The following KCNH3 variants were observed in gnomAD, a reference collection of about 807,000 sequenced individuals.
The protein encoded by KCNH3 is voltage-gated inwardly rectifying potassium channel KCNH3.
In KCNH3, 36 loss-of-function variants were observed where a neutral mutation model predicts 95.6. The observed-to-expected ratio is 0.38, with a 90% CI of 0.29 to 0.50. KCNH3 has a LOEUF of 0.50. KCNH3 is among the 20% of genes least tolerant of loss of function. KCNH3 has a pLI of 0.95. For synonymous variants in KCNH3, 620 were observed against 646.3 expected, an observed-to-expected ratio of 0.96 and a Z score of 0.62; for missense variants, 1,030 against 1,484.1, an observed-to-expected ratio of 0.69 and a Z score of 5.03.
chr12:49,541,989 T>TAA (rs1192852408), intron 3 of KCNH3, among the ~76,000 whole-genome samples: 1 of 152,230 alleles, frequency 6.6e-6, no homozygotes, highest in African/African-American at 2.4e-5. Flanking sequence ...TAAGTCAACT[T>TAA]TATTAAGAAA....
In KCNH3 at chr12:49,544,205, C is replaced by T. The variant is rs1258561034; in HGVS notation, c.1012C>T (p.Arg338Cys). Residue 338 changes from arginine (R) to cysteine (C), a missense_variant, in exon 7 of 15, where the codon CGC (arginine) becomes TGC (cysteine). By Grantham distance (180) the Arg-to-Cys change is radical. Coordinates refer to ENST00000257981, the MANE Select transcript of KCNH3 (RefSeq NM_012284.3). ...CGGGGCCCATCTGCTGAAGACGGTG[C>T]GCCTGCTGCGCCTGCTGCGCCTGCT... ...YFGAHLLKTV[R>C]LLRLLRLLPR... is the part of the protein sequence containing the mutation. 3 of 1,363,710 alleles carry T rather than the reference C, an allele frequency of 2.2e-6. No individual in the cohort carries two copies. Among genetic ancestry groups the T allele is most frequent in the Non-Finnish European group, 2.9e-6 (3 of 1,030,142 alleles). The allele number at this position is 1,363,710 out of a possible 1,614,324, so 84.5% of individuals were successfully genotyped here.
At position 49,550,226 on chromosome 12, in the gene KCNH3, G is replaced by A. The variant is rs778382219; in HGVS notation, c.1815G>A (p.Pro605=). 3.1e-6 allele frequency: 5 copies of A among 1,609,494 alleles called. No homozygotes were observed. The highest frequency in any genetic ancestry group is 4.2e-6 in the Non-Finnish European group (5 of 1,179,964). The change falls in exon 10 of 15, where the codon CCG becomes CCA. Residue 605 remains proline, a synonymous_variant. Coordinates refer to ENST00000257981, the MANE Select transcript of KCNH3 (RefSeq NM_012284.3). ...SLALRPAFCT[P]GEYLIHQGDA... is the part of the protein sequence containing the mutation. ...CCCTGCGGCCCGCCTTCTGCACGCC[G>A]GGCGAGTACCTCATCCACCAAGGCG...
In KCNH3 at chr12:49,556,437, T is replaced by C. The variant is rs148051821; in HGVS notation, c.2536T>C (p.Ser846Pro). Residue 846 changes from serine (S) to proline (P), a missense_variant, in exon 13 of 15, where the codon TCT (serine) becomes CCT (proline). Transcript: ENST00000257981. ...QPKFSFRVGQ[S>P]GPECSSSPSP... ...CAAGTTCTCTTTCCGCGTGGGCCAGTCTGGCCCGGAATGTAGCAGCAGCCC... is the reference window on the plus strand; with the variant it reads ...CAAGTTCTCTTTCCGCGTGGGCCAGCCTGGCCCGGAATGTAGCAGCAGCCC... The C allele has an allele frequency of 2.1e-3, 3,350 of 1,614,024 alleles. 33 individuals carry two copies. Among genetic ancestry groups the C allele is most frequent in the South Asian group, 0.012 (1,095 of 91,078 alleles).
intron 7 of KCNH3, among the ~76,000 whole-genome samples, chr12:49,548,027 C>T (rs1030074930): frequency 6.6e-6 from 1 of 152,034 alleles, no homozygotes; most frequent in African/African-American, 2.4e-5. Flanking sequence ...ATGCCAAGGC[C>T]AGGTGGAGAA....
At chr12:49,541,212 C>G in intron 2 of KCNH3, 80 bp downstream of exon 2, 2 of 1,039,440 alleles carry the variant, frequency 1.9e-6, no homozygotes, top group South Asian at 1.5e-5. Context: ...TGTCCCTCCT[C>G]CTTTCTGTTG....
rs531115131 is a variant in KCNH3, at chr12:49,548,702, G to A, written c.1190-193G>A. On this transcript the variant is annotated intron_variant, in intron 7 of 14. Transcript: ENST00000257981. Reference sequence around the variant, plus strand: ...CTTGTGTCATCCTCAGTGCCAATAGGAGCTGGCTGGGGAAATGGCAGACTC... The same window carrying A: ...CTTGTGTCATCCTCAGTGCCAATAGAAGCTGGCTGGGGAAATGGCAGACTC... Among the ~76,000 whole-genome samples the A allele has an allele frequency of 7.2e-5, 11 of 152,308 alleles. No homozygotes were observed. The South Asian group carries it at 1.9e-3, about 26-fold the overall frequency.
At position 49,544,373 on chromosome 12, in the gene KCNH3, C is replaced by G. The variant is rs1007711831; in HGVS notation, c.1180C>G (p.Pro394Ala). Reference sequence around the variant, plus strand: ...GATCGAGAGCAGCGAATCCGAGCTGCCTGAGATTGGTACTGGAGGCTCCCT... The same window carrying G: ...GATCGAGAGCAGCGAATCCGAGCTGGCTGAGATTGGTACTGGAGGCTCCCT... ...REIESSESEL[P>A]EIGWLQELAR... Residue 394 changes from proline (P) to alanine (A), a missense_variant, in exon 7 of 15, where the codon CCT (proline) becomes GCT (alanine). Pro to Ala is a conservative substitution (Grantham distance 27). Coordinates refer to ENST00000257981, the MANE Select transcript of KCNH3 (RefSeq NM_012284.3). 1.2e-5 allele frequency: 19 copies of G among 1,612,922 alleles called. No individual in the cohort carries two copies. The highest frequency in any genetic ancestry group is 1.6e-5 in the Non-Finnish European group (19 of 1,180,026).
chr12:49,544,141 T>TGCCAAC, intron 6 of KCNH3, 34 bp from the exon 7 acceptor site: 8 of 1,413,296 alleles, frequency 5.7e-6, no homozygotes, highest in Non-Finnish European at 7.7e-6. Context: ...CCCGCTGACC[T>TGCCAAC]CCCTCCCTCC....
chr12:49,540,875 C>T (rs999492222), intron 1 of KCNH3, 24 bp from the exon 2 acceptor site: 4 of 1,602,866 alleles, frequency 2.5e-6, no homozygotes, highest in Non-Finnish European at 3.4e-6. Context: ...CCCCACGCCT[C>T]CTCTGAGAAG....
At position 49,557,933 on chromosome 12, in the gene KCNH3, G is replaced by A; in HGVS notation, c.3232G>A (p.Glu1078Lys). 2 of 1,508,462 alleles carry A rather than the reference G, an allele frequency of 1.3e-6. No homozygotes were observed. Among genetic ancestry groups the A allele is most frequent in the Non-Finnish European group, 8.9e-7 (1 of 1,128,486 alleles). 93.4% of individuals were successfully genotyped at this position (1,508,462 alleles called of 1,614,324 possible). ...HGSGTVQWTQEEGTGV is the reference protein window; with the variant it reads ...HGSGTVQWTQKEGTGV ...CTCTGGCACAGTCCAGTGGACCCAGGAAGAAGGCACAGGGGTCTGAGTACC... is the reference window on the plus strand; with the variant it reads ...CTCTGGCACAGTCCAGTGGACCCAGAAAGAAGGCACAGGGGTCTGAGTACC... The change falls in exon 15 of 15, where the codon GAA becomes AAA. Residue 1078 changes from glutamate to lysine, a missense_variant. Physicochemically the swap from Glu to Lys is moderately conservative, Grantham distance 56 (BLOSUM62 1). Coordinates refer to ENST00000257981, the MANE Select transcript of KCNH3 (RefSeq NM_012284.3).
intron 10 of KCNH3, 111 bp from the exon 11 acceptor site, chr12:49,554,226 C>T (rs2094258486): frequency 4.8e-6 from 4 of 841,234 alleles, no homozygotes; most frequent in Non-Finnish European, 7.9e-6. Context: ...AAGGCTTCAG[C>T]TACAGAGGCC....
intron 8 of KCNH3, 36 bp from the exon 9 acceptor site, chr12:49,549,405 T>A: frequency 6.2e-7 from 1 of 1,606,978 alleles, no homozygotes; most frequent in East Asian, 2.2e-5. Flanking sequence ...CCGGGCCAGG[T>A]CCCCTAGGTG....
At chr12:49,556,309 C>G in intron 12 of KCNH3, 61 bp from the exon 13 acceptor site, 1 of 1,262,692 alleles carries the variant, frequency 7.9e-7, no homozygotes, top group Non-Finnish European at 1.2e-6. Context: ...CATCCCGTCC[C>G]GTATGACCCC....
chr12:49,545,119 C>T (rs1429888992), intron 7 of KCNH3, among the ~76,000 whole-genome samples: 3 of 152,130 alleles, frequency 2.0e-5, no homozygotes, highest in African/African-American at 4.8e-5. Context: ...GTGGGTGATG[C>T]AGCCCTCAGC....
chr12:49,542,963 G>A, intron 4 of KCNH3, 124 bp downstream of exon 4: 3 of 1,288,218 alleles, frequency 2.3e-6, no homozygotes, highest in Non-Finnish European at 3.1e-6. Context: ...GCACTTTGGG[G>A]GTTGGGACTG....
chr12:49,556,316 C>A lies in KCNH3; in HGVS notation c.2469-54C>A, dbSNP rs777434788. The A allele has an allele frequency of 1.8e-5, 24 of 1,339,576 alleles. No individual in the cohort carries two copies. The East Asian group carries it at 5.6e-4, about 31-fold the overall frequency. The allele number at this position is 1,339,576 out of a possible 1,614,324, so 83.0% of individuals were successfully genotyped here. ...CGCTGGGGCATCCCGTCCCGTATGA[C>A]CCCACAGTGGCTGCCTGTCCATTGA... On this transcript the variant is annotated intron_variant, in intron 12 of 14. Transcript: ENST00000257981.
At chr12:49,550,377 C>T (rs1286475866) in intron 10 of KCNH3, 48 bp downstream of exon 10, 1 of 1,558,746 alleles carries the variant, frequency 6.4e-7, no homozygotes, top group Admixed American at 1.7e-5. Context: ...TGTGTGAGAC[C>T]ATGGCCCTGA....
chr12:49,554,102 T>G (rs567268577), intron 10 of KCNH3, among the ~76,000 whole-genome samples: 1 of 152,326 alleles, frequency 6.6e-6, no homozygotes, highest in African/African-American at 2.4e-5. Flanking sequence ...CTGAATGTGT[T>G]TGAGGGCCTG....
rs1317537045 is a variant in KCNH3 at position 49,540,993 on chromosome 12, G to C, written c.171G>C (p.Arg57=). ...DGFCDLTGFS[R]AEVMQRGCAC... ...TCTGTGACCTCACGGGCTTCTCCCGGGCTGAGGTCATGCAGCGGGGCTGTG... is the reference window on the plus strand; with the variant it reads ...TCTGTGACCTCACGGGCTTCTCCCGCGCTGAGGTCATGCAGCGGGGCTGTG... Residue 57 remains arginine (R), a synonymous_variant, in exon 2 of 15, where the codon CGG becomes CGC. Coordinates refer to ENST00000257981, the MANE Select transcript of KCNH3 (RefSeq NM_012284.3). 6.2e-7 allele frequency: 1 copy of C among 1,614,160 alleles called. No individual in the cohort carries two copies. The highest frequency in any genetic ancestry group is 2.2e-5 in the East Asian group (1 of 44,876).
Sources: gnomAD v4.1 joint callset for allele counts (sites outside exome capture counted in the v4.1 genomes callset) on GRCh38, gnomAD v4.1.1 for gene constraint, MANE v1.5 for transcripts, NCBI Gene and HGNC (gene_info 2026-07-23, HGNC 2026-07-21) for gene names.